The following NDRG3 variants were observed in gnomAD, a reference collection of about 807,000 sequenced individuals.
NDRG3 encodes the protein protein NDRG3.
Under a neutral mutation model 57.2 loss-of-function variants are expected in NDRG3, and 23 were observed. That is an observed-to-expected ratio of 0.40 (90% CI 0.29 to 0.57). NDRG3 has a LOEUF of 0.57. Ranked by LOEUF, NDRG3 falls within the 20% of genes least tolerant of loss-of-function variation. NDRG3 has a pLI of 0.42. For synonymous variants in NDRG3, 132 were observed against 162.6 expected (o/e 0.81, Z 1.43); for missense variants, 384 against 457.3 (o/e 0.84, Z 1.46).
chr20:36,699,446 T>C (rs926993810), intron 3 of NDRG3, among the ~76,000 whole-genome samples: 1 of 152,144 alleles, frequency 6.6e-6, no homozygotes, highest in Non-Finnish European at 1.5e-5. Context: ...GTCTGCCATA[T>C]GGAGTGACAC....
chr20:36,706,553 G>A (rs1568656823), intron 3 of NDRG3, among the ~76,000 whole-genome samples: 1 of 152,136 alleles, frequency 6.6e-6, no homozygotes, highest in Non-Finnish European at 1.5e-5. Flanking sequence ...GACCCAGGCT[G>A]GAGTGCAGTA....
At chr20:36,745,583 A>C (rs1427875021) in intron 1 of NDRG3, among the ~76,000 whole-genome samples, 1 of 152,170 alleles carries the variant, frequency 6.6e-6, no homozygotes, top group Non-Finnish European at 1.5e-5. Context: ...CCGTTAGAGG[A>C]TGCCCTCTGC....
Position 36,680,897 on chromosome 20 carries a change from G to A in NDRG3, c.450C>T (p.Asn150=). 2 of 1,613,790 alleles carry A rather than the reference G, an allele frequency of 1.2e-6. No individual in the cohort carries two copies. The highest frequency in any genetic ancestry group is 8.5e-7 in the Non-Finnish European group (1 of 1,179,758). The change falls in exon 8 of 16, where the codon AAC becomes AAT. Residue 150 remains asparagine, a synonymous_variant. Transcript: ENST00000349004. Reference sequence around the variant, plus strand: ...CAAGGCCTTCCACAAGCTCTGGATGGTTGAGCTGAAAGATGAGGCAAAGAC... The same window carrying A: ...CAAGGCCTTCCACAAGCTCTGGATGATTGAGCTGAAAGATGAGGCAAAGAC... ...GAYILSRFAL[N]HPELVEGLVL...
chr20:36,723,551 T>C (rs1201711727), intron 1 of NDRG3, among the ~76,000 whole-genome samples: 1 of 151,978 alleles, frequency 6.6e-6, no homozygotes. Flanking sequence ...GTAGAGATGA[T>C]GTTGATCTAC....
intron 1 of NDRG3, among the ~76,000 whole-genome samples, chr20:36,743,828 C>CAAAAACAAACA (rs371134590): frequency 2.7e-5 from 4 of 147,760 alleles, no homozygotes; most frequent in Non-Finnish European, 6.0e-5. Flanking sequence ...AAAAAACAAA[C>CAAAAACAAACA]AAAAACAAAC....
chr20:36,693,943 T>C (rs533301972), intron 3 of NDRG3, among the ~76,000 whole-genome samples: 1 of 152,210 alleles, frequency 6.6e-6, no homozygotes, highest in African/African-American at 2.4e-5. Context: ...AAAAATTGTC[T>C]TCCACAAAAC....
chr20:36,689,500 A>G (rs1982078052), intron 3 of NDRG3, among the ~76,000 whole-genome samples: 1 of 152,192 alleles, frequency 6.6e-6, no homozygotes, highest in Non-Finnish European at 1.5e-5. Flanking sequence ...CAGATAATTT[A>G]TAATTAATTT....
At chr20:36,743,625 T>C (rs2148239697) in intron 1 of NDRG3, among the ~76,000 whole-genome samples, 1 of 151,970 alleles carries the variant, frequency 6.6e-6, no homozygotes, top group Non-Finnish European at 1.5e-5. Context: ...CCATCCTGGC[T>C]AACACGGTGA....
chr20:36,653,409 G>A lies in NDRG3; in HGVS notation c.*111C>T, dbSNP rs1568617298. Reference sequence around the variant, plus strand: ...CCAGGCTACTAGAGAGAGGTTCAGTGGCCATGCATGAGTTAAAGATAGTAG... The same window carrying A: ...CCAGGCTACTAGAGAGAGGTTCAGTAGCCATGCATGAGTTAAAGATAGTAG... On this transcript the variant is annotated 3_prime_UTR_variant, in exon 16 of 16. Coordinates refer to ENST00000349004, the MANE Select transcript of NDRG3 (RefSeq NM_032013.4). This position sits in a 1 kb window ranked among gnomAD's most constrained non-coding sequence, Gnocchi z 4.2. 9.9e-6 allele frequency: 9 copies of A among 906,340 alleles called. No individual in the cohort carries two copies. The highest frequency in any genetic ancestry group is 1.5e-5 in the Non-Finnish European group (9 of 598,902). The allele number at this position is 906,340 out of a possible 1,614,324, so 56.1% of individuals were successfully genotyped here.
chr20:36,739,387 C>T (rs1221860355), intron 1 of NDRG3, among the ~76,000 whole-genome samples: 2 of 148,798 alleles, frequency 1.3e-5, no homozygotes, highest in Admixed American at 1.4e-4. Context: ...GCGGAGGTTG[C>T]AGTGAGCCGG....
intron 3 of NDRG3, among the ~76,000 whole-genome samples, chr20:36,695,629 G>A (rs183558353): frequency 8.5e-5 from 13 of 152,270 alleles, no homozygotes; most frequent in African/African-American, 3.1e-4. Context: ...AGGCTTGCTA[G>A]GATTAGGAAA....
intron 1 of NDRG3, among the ~76,000 whole-genome samples, chr20:36,733,058 G>A (rs1985372351): frequency 6.8e-6 from 1 of 147,866 alleles, no homozygotes; most frequent in Admixed American, 6.8e-5. Flanking sequence ...GAGGTGGGAA[G>A]ACTGCTTGAG....
chr20:36,725,202 C>A (rs1035041126), intron 1 of NDRG3, among the ~76,000 whole-genome samples: 7 of 152,134 alleles, frequency 4.6e-5, no homozygotes, highest in African/African-American at 1.7e-4. Flanking sequence ...GAGGCTGAGG[C>A]AGGAGAATTG....
chr20:36,710,753 C>T (rs1269751219), intron 2 of NDRG3, among the ~76,000 whole-genome samples: 1 of 148,248 alleles, frequency 6.7e-6, no homozygotes, highest in Non-Finnish European at 1.5e-5. Flanking sequence ...GCGGAGGTTG[C>T]AGTGAGCTGA....
intron 7 of NDRG3, among the ~76,000 whole-genome samples, chr20:36,681,740 C>T (rs1017805769): frequency 1.3e-5 from 2 of 151,684 alleles, no homozygotes; most frequent in Admixed American, 6.6e-5. Context: ...GCTCTTGTTG[C>T]CCAGGCTGGT....
intron 8 of NDRG3, among the ~76,000 whole-genome samples, chr20:36,677,915 A>T (rs1038372065): frequency 6.6e-6 from 1 of 152,148 alleles, no homozygotes; most frequent in South Asian, 2.1e-4. Flanking sequence ...AACACAAGGG[A>T]TATAATTTTT....
intron 3 of NDRG3, among the ~76,000 whole-genome samples, chr20:36,695,239 G>A (rs1338497222): frequency 2.6e-5 from 4 of 151,986 alleles, no homozygotes; most frequent in Non-Finnish European, 5.9e-5. Flanking sequence ...GATGTATGTC[G>A]CCTCAGGACC....
At chr20:36,715,006 G>A (rs6071998) in intron 2 of NDRG3, among the ~76,000 whole-genome samples, 1,229 of 26,142 alleles carry the variant, frequency 0.047, 41 homozygotes, top group East Asian at 0.087. Flanking sequence ...GTGTGTGTGT[G>A]TATATATATA....
At chr20:36,690,918 C>T (rs1241442581) in intron 3 of NDRG3, among the ~76,000 whole-genome samples, 2 of 152,200 alleles carry the variant, frequency 1.3e-5, no homozygotes, top group African/African-American at 2.4e-5. Context: ...GAGTAGATGC[C>T]GCACTAAGAG....
Sources: allele counts gnomAD v4.1 joint callset (sites outside exome capture counted in the v4.1 genomes callset), GRCh38; gene constraint gnomAD v4.1.1; non-coding constraint Gnocchi (gnomAD v3.1); transcripts MANE v1.5; gene names NCBI Gene and HGNC (gene_info 2026-07-23, HGNC 2026-07-21).